The following FSTL5 variants were observed in gnomAD, a reference collection of about 807,000 sequenced individuals.
The protein encoded by FSTL5 is follistatin like 5.
In FSTL5, 62 loss-of-function variants were observed where a neutral mutation model predicts 89.1. That is an observed-to-expected ratio of 0.70 (90% confidence interval 0.57 to 0.86). The LOEUF is 0.86. Among genes scored for constraint, FSTL5 ranks in the 40% least tolerant of loss-of-function variants. FSTL5 has a pLI of 0.00. For missense variants in FSTL5, 1,057 were observed against 1,001.6 expected (o/e 1.06, Z -0.75); for synonymous variants, 383 against 346.2 (o/e 1.11, Z -1.18).
chr4:161,816,812 C>A (rs1371305105), intron 4 of FSTL5, among the ~76,000 whole-genome samples: 2 of 152,108 alleles, frequency 1.3e-5, no homozygotes, highest in Non-Finnish European at 2.9e-5. Flanking sequence ...CTAAACTATT[C>A]CTTGAGCTAC....
rs539889805 is a variant in FSTL5 at position 161,920,250 on chromosome 4, C to CCA, written c.409+152_409+153dup. 7.0e-4 allele frequency among the ~76,000 whole-genome samples: 106 copies of CCA among 152,270 alleles called. 1 individual carries two copies. The highest frequency in any genetic ancestry group is 1.9e-3 in the African/African-American group (78 of 41,558). On this transcript the variant is annotated intron_variant, in intron 4 of 15. Transcript: ENST00000306100. ...ATCAGAATTGTTTCCATGTAAATTT[C>CCA]CACACACTGCTACTTAGTGGAGTAC...
At chr4:162,046,519 GA>G (rs1738186566) in intron 2 of FSTL5, among the ~76,000 whole-genome samples, 1 of 152,016 alleles carries the variant, frequency 6.6e-6, no homozygotes, top group Non-Finnish European at 1.5e-5. Flanking sequence ...TGGACATGAA[GA>G]TTATATAAAA....
chr4:161,772,993 TA>T (rs1228469331), intron 5 of FSTL5, among the ~76,000 whole-genome samples: 1 of 151,930 alleles, frequency 6.6e-6, no homozygotes, highest in Non-Finnish European at 1.5e-5. Flanking sequence ...GGTATAAAAG[TA>T]GGCACAAAGA....
chr4:161,668,238 A>C (rs1736966741), intron 6 of FSTL5, among the ~76,000 whole-genome samples: 1 of 152,176 alleles, frequency 6.6e-6, no homozygotes, highest in Admixed American at 6.5e-5. Context: ...GTTACACAAA[A>C]AATTCTGTGC....
At chr4:162,003,042 G>T (rs1018904685) in intron 3 of FSTL5, among the ~76,000 whole-genome samples, 1 of 152,142 alleles carries the variant, frequency 6.6e-6, no homozygotes, top group East Asian at 1.9e-4. Context: ...TACTCGGGAG[G>T]CTGAGGCAGG....
At chr4:161,732,183 T>G (rs185694931) in intron 6 of FSTL5, among the ~76,000 whole-genome samples, 1 of 152,306 alleles carries the variant, frequency 6.6e-6, no homozygotes, top group Admixed American at 6.5e-5. Context: ...ACAAAAGGTA[T>G]AGCCAATATG....
chr4:161,810,842 C>G (rs1000256512), intron 4 of FSTL5, among the ~76,000 whole-genome samples: 2 of 152,140 alleles, frequency 1.3e-5, no homozygotes, highest in African/African-American at 4.8e-5. Context: ...AGTCAGGTGA[C>G]ATAGATATTA....
At chr4:161,716,512 G>A (rs1738989131) in intron 6 of FSTL5, among the ~76,000 whole-genome samples, 1 of 151,968 alleles carries the variant, frequency 6.6e-6, no homozygotes, top group Non-Finnish European at 1.5e-5. Flanking sequence ...CAGGAGAATC[G>A]CTTGAACCAA....
chr4:161,455,682 T>A (rs1448815476), intron 14 of FSTL5, among the ~76,000 whole-genome samples: 1 of 152,180 alleles, frequency 6.6e-6, no homozygotes, highest in Admixed American at 6.5e-5. Flanking sequence ...TTTTTTAAAC[T>A]TTTATAGTCC....
intron 8 of FSTL5, among the ~76,000 whole-genome samples, chr4:161,550,555 T>C (rs112024020): frequency 1.2e-5 from 1 of 85,760 alleles, no homozygotes; most frequent in Admixed American, 1.4e-4. Context: ...CAGTAACTTC[T>C]TTTTTATTTA....
intron 15 of FSTL5, among the ~76,000 whole-genome samples, chr4:161,439,093 A>G (rs1732673651): frequency 6.6e-6 from 1 of 152,208 alleles, no homozygotes; most frequent in Non-Finnish European, 1.5e-5. Flanking sequence ...TAACTACTGA[A>G]TTATTATGAA....
intron 8 of FSTL5, among the ~76,000 whole-genome samples, chr4:161,555,615 C>A (rs2126563353): frequency 6.6e-6 from 1 of 151,678 alleles, no homozygotes; most frequent in African/African-American, 2.4e-5. Context: ...ATCTCTAATA[C>A]TTTCTGCTAT....
intron 3 of FSTL5, among the ~76,000 whole-genome samples, chr4:161,954,969 T>C (rs1290994093): frequency 2.6e-5 from 4 of 151,552 alleles, no homozygotes; most frequent in Non-Finnish European, 4.4e-5. Flanking sequence ...TGACAACATG[T>C]TTCTGCATTG....
chr4:162,071,487 C>T (rs2314647), intron 2 of FSTL5, among the ~76,000 whole-genome samples: 134,832 of 151,682 alleles, frequency 0.89, 59,976 homozygotes, highest in Middle Eastern at 0.98. Flanking sequence ...AGCACCCCGA[C>T]ATATAACGGA....
At chr4:161,971,177 C>G (rs1029785174) in intron 3 of FSTL5, among the ~76,000 whole-genome samples, 5 of 152,046 alleles carry the variant, frequency 3.3e-5, no homozygotes, top group African/African-American at 1.2e-4. Flanking sequence ...TTCATGAGAT[C>G]AATGGAGGAG....
intron 15 of FSTL5, among the ~76,000 whole-genome samples, chr4:161,399,895 G>A (rs1214739092): frequency 6.6e-6 from 1 of 152,060 alleles, no homozygotes; most frequent in Non-Finnish European, 1.5e-5. Context: ...ATCTTGGTTT[G>A]TTTACATTTC....
intron 2 of FSTL5, among the ~76,000 whole-genome samples, chr4:162,065,358 A>G (rs1223214656): frequency 6.6e-6 from 1 of 151,998 alleles, no homozygotes; most frequent in Non-Finnish European, 1.5e-5. Context: ...CAATAGCAAA[A>G]AAGAACCCCC....
chr4:161,947,226 G>C (rs1457807684), intron 3 of FSTL5, among the ~76,000 whole-genome samples: 1 of 150,444 alleles, frequency 6.6e-6, no homozygotes, highest in East Asian at 2.0e-4. Flanking sequence ...AGAGCATTTT[G>C]ATGAGCAGAA....
chr4:161,909,168 A>G (rs529358577), intron 4 of FSTL5, among the ~76,000 whole-genome samples: 1 of 152,116 alleles, frequency 6.6e-6, no homozygotes, highest in African/African-American at 2.4e-5. Context: ...TCCAGGATGT[A>G]GAGCTGGCTG....
Sources: gnomAD v4.1 joint callset for allele counts (sites outside exome capture counted in the v4.1 genomes callset) on GRCh38, gnomAD v4.1.1 for gene constraint, MANE v1.5 for transcripts, NCBI Gene and HGNC (gene_info 2026-07-23, HGNC 2026-07-21) for gene names.